The following AKAP12 variants were observed in gnomAD, a reference collection of about 807,000 sequenced individuals.
The protein encoded by AKAP12 is A-kinase anchor protein 12.
In AKAP12, 32 loss-of-function variants were observed where a neutral mutation model predicts 79.9. The ratio of observed to expected loss-of-function variants is 0.40; its 90% CI spans 0.30 to 0.54. The LOEUF is 0.54. AKAP12 is among the 20% of genes least tolerant of loss of function. AKAP12 has a pLI of 0.48. For synonymous variants in AKAP12, 808 were observed against 857.0 expected, an observed-to-expected ratio of 0.94 and a Z score of 1.00; for missense variants, 2,074 against 2,177.0, an observed-to-expected ratio of 0.95 and a Z score of 0.94.
intron 2 of AKAP12, among the ~76,000 whole-genome samples, chr6:151,283,442 A>G (rs1283538673): frequency 1.3e-5 from 2 of 152,230 alleles, no homozygotes; most frequent in Admixed American, 6.5e-5. Context: ...AAGTAAAGAC[A>G]TGGTCTCACT....
At chr6:151,320,189 A>T (rs2030891487) in intron 3 of AKAP12, among the ~76,000 whole-genome samples, 1 of 152,100 alleles carries the variant, frequency 6.6e-6, no homozygotes. Context: ...AGAGGAAAGT[A>T]GCCTGCTTTA....
At chr6:151,293,542 G>A (rs1009490719) in intron 2 of AKAP12, among the ~76,000 whole-genome samples, 1 of 152,162 alleles carries the variant, frequency 6.6e-6, no homozygotes, top group African/African-American at 2.4e-5. Context: ...CGGGTGGTGG[G>A]GAACTTGTCT....
Position 151,357,768 on chromosome 6 carries a change from T to C in AKAP12, c.*2054T>C, listed in dbSNP as rs1246286148. ...TTGAAATCCAAGTGCTGGTTTCTAG[T>C]TCTGAACATCAACTAAAGAGTTTTG... On this transcript the variant is annotated 3_prime_UTR_variant, in exon 5 of 5. Coordinates refer to ENST00000402676, the MANE Select transcript of AKAP12 (RefSeq NM_005100.4). 1.3e-5 allele frequency: 2 copies of C among 151,326 alleles called. No individual in the cohort carries two copies. The highest frequency in any genetic ancestry group is 4.9e-5 in the African/African-American group (2 of 41,170). The allele number at this position is 151,326 out of a possible 1,614,324, so 9.4% of individuals were successfully genotyped here.
At chr6:151,265,514 A>G (rs1031145970) in intron 2 of AKAP12, among the ~76,000 whole-genome samples, 4 of 152,252 alleles carry the variant, frequency 2.6e-5, no homozygotes, top group Admixed American at 6.5e-5. Context: ...GTAGGGATAT[A>G]GTGACCCAGG....
intron 3 of AKAP12, among the ~76,000 whole-genome samples, chr6:151,331,239 CT>C (rs5880926): frequency 0.52 from 78,108 of 150,462 alleles, 23,752 homozygotes; most frequent in African/African-American, 0.85. Flanking sequence ...TTCCATAGGA[CT>C]TTTTTTTTTA....
intron 2 of AKAP12, among the ~76,000 whole-genome samples, chr6:151,304,837 G>T (rs1776942860): frequency 6.6e-6 from 1 of 151,906 alleles, no homozygotes; most frequent in Non-Finnish European, 1.5e-5. Context: ...CTCCCAAAGT[G>T]CTGGGATTAC....
At chr6:151,253,607 C>T (rs938387148) in intron 2 of AKAP12, among the ~76,000 whole-genome samples, 4 of 152,150 alleles carry the variant, frequency 2.6e-5, no homozygotes, top group African/African-American at 9.7e-5. Context: ...TTTGAACTTA[C>T]ACTTGATATG....
At chr6:151,247,034 C>G (rs954716121) in intron 2 of AKAP12, among the ~76,000 whole-genome samples, 5 of 152,110 alleles carry the variant, frequency 3.3e-5, no homozygotes, top group African/African-American at 1.2e-4. Context: ...CTGAAGTGAT[C>G]CTCCCACCTC....
At chr6:151,324,711 G>C in intron 3 of AKAP12, 1 of 985,332 alleles carries the variant, frequency 1.0e-6, no homozygotes, top group Non-Finnish European at 1.2e-6. Context: ...TGAAAGAAGG[G>C]AACAAACCCA....
chr6:151,322,487 A>G (rs1193024529), intron 3 of AKAP12, among the ~76,000 whole-genome samples: 1 of 152,174 alleles, frequency 6.6e-6, no homozygotes, highest in Non-Finnish European at 1.5e-5. Flanking sequence ...GGACCTCCCT[A>G]AGTAAACTCC....
chr6:151,302,221 A>G (rs563811892), intron 2 of AKAP12, among the ~76,000 whole-genome samples: 1 of 152,216 alleles, frequency 6.6e-6, no homozygotes, highest in South Asian at 2.1e-4. Flanking sequence ...CATGTTAGCC[A>G]GGATGGTCTC....
At chr6:151,337,094 G>A (rs1330365259) in intron 3 of AKAP12, among the ~76,000 whole-genome samples, 6 of 152,008 alleles carry the variant, frequency 3.9e-5, no homozygotes, top group African/African-American at 9.7e-5. Flanking sequence ...AGCAAATATC[G>A]GATAGCCTCC....
chr6:151,240,907 C>T (rs1796960607), intron 2 of AKAP12, among the ~76,000 whole-genome samples, 183 bp downstream of exon 2: 1 of 152,146 alleles, frequency 6.6e-6, no homozygotes, highest in South Asian at 2.1e-4. Flanking sequence ...GGGGCGGGGC[C>T]AGAGCAGCGG....
chr6:151,293,265 G>A (rs1334167826), intron 2 of AKAP12, among the ~76,000 whole-genome samples: 1 of 152,158 alleles, frequency 6.6e-6, no homozygotes, highest in Non-Finnish European at 1.5e-5. Flanking sequence ...TGGTGTGTAG[G>A]AATTGAGTGA....
chr6:151,341,870 T>C, intron 3 of AKAP12: 1 of 1,126,162 alleles, frequency 8.9e-7, no homozygotes, highest in South Asian at 1.4e-5. Context: ...CAGGGACAGG[T>C]CGGGAAGGGC....
intron 2 of AKAP12, among the ~76,000 whole-genome samples, chr6:151,241,237 G>A (rs1312717394): frequency 1.3e-5 from 2 of 152,244 alleles, no homozygotes; most frequent in East Asian, 3.9e-4. Flanking sequence ...TGCCTGGAGC[G>A]AGCGGGTTTG....
At chr6:151,244,717 C>T (rs574160651) in intron 2 of AKAP12, among the ~76,000 whole-genome samples, 2 of 152,182 alleles carry the variant, frequency 1.3e-5, no homozygotes, top group African/African-American at 4.8e-5. Context: ...TTATATGTTT[C>T]TTAATAGAGG....
chr6:151,336,442 C>CT (rs1272060314), intron 3 of AKAP12, among the ~76,000 whole-genome samples: 2 of 152,120 alleles, frequency 1.3e-5, no homozygotes, highest in Non-Finnish European at 2.9e-5. Flanking sequence ...TGTTTTTTGA[C>CT]TTTTTAATAA....
chr6:151,254,186 A>G (rs865927968), intron 2 of AKAP12, among the ~76,000 whole-genome samples: 1 of 152,048 alleles, frequency 6.6e-6, no homozygotes, highest in Non-Finnish European at 1.5e-5. Flanking sequence ...GACCATTACA[A>G]TCTTTGTATT....
Sources: allele counts gnomAD v4.1 joint callset (sites outside exome capture counted in the v4.1 genomes callset), GRCh38; gene constraint gnomAD v4.1.1; transcripts MANE v1.5; gene names NCBI Gene and HGNC (gene_info 2026-07-23, HGNC 2026-07-21).